The following HMGCLL1 variants were observed in gnomAD, a reference collection of about 807,000 sequenced individuals.
HMGCLL1 encodes the protein 3-hydroxymethyl-3-methylglutaryl-CoA lyase, cytoplasmic.
A neutral mutation model predicts 39.1 loss-of-function variants in HMGCLL1; 36 were observed. That is an observed-to-expected ratio of 0.92 (90% CI 0.71 to 1.22). The LOEUF (loss-of-function observed/expected upper bound fraction) is 1.22. HMGCLL1 is among the 50% of genes most tolerant of loss of function. The pLI is 0.00. For missense variants in HMGCLL1, 451 were observed against 416.5 expected (o/e 1.08, Z -0.72); for synonymous variants, 149 against 144.0 (o/e 1.03, Z -0.25).
At chr6:55,580,672 C>G (rs1241005324), upstream of HMGCLL1, among the ~76,000 whole-genome samples, 2 of 152,072 alleles carry the variant, frequency 1.3e-5, no homozygotes, top group Admixed American at 1.3e-4. Flanking sequence ...TCCTCGGCCT[C>G]CCAAAGTGCT....
intron 3 of HMGCLL1, among the ~76,000 whole-genome samples, chr6:55,541,273 G>T (rs1769418244): frequency 6.6e-6 from 1 of 152,096 alleles, no homozygotes; most frequent in Non-Finnish European, 1.5e-5. Flanking sequence ...ACGTATCCCT[G>T]TTGCAAATAC....
intron 7 of HMGCLL1, among the ~76,000 whole-genome samples, chr6:55,477,267 TAATATATATTATATATTATATA>T (rs1765411953): frequency 8.6e-5 from 2 of 23,326 alleles, no homozygotes; most frequent in Non-Finnish European, 1.2e-4. Context: ...ATATATTATA[TAATATATATTATATATTATATA>T]TAAAATAATA....
Position 55,435,422 on chromosome 6 carries a change from T to A in HMGCLL1, c.*240A>T, listed in dbSNP as rs1763330143. On this transcript the variant is annotated 3_prime_UTR_variant, in exon 9 of 9. Transcript: ENST00000274901. ...TTTCTATGAGAGCAAAAGAAACTTT[T>A]TTCCAAGTTCAAAATTATGACAAGT... is the stretch of plus-strand genomic sequence containing the variant. The A allele has an allele frequency of 5.9e-6, 2 of 338,514 alleles. No homozygotes were observed. Among genetic ancestry groups the A allele is most frequent in the South Asian group, 8.4e-5 (1 of 11,944 alleles). The allele number at this position is 338,514 out of a possible 1,614,324, so 21.0% of individuals were successfully genotyped here.
At chr6:55,653,384 G>A in the HMGCLL1 span, among the ~76,000 whole-genome samples, 2 of 151,846 alleles carry the variant, frequency 1.3e-5, no homozygotes, top group African/African-American at 4.8e-5. Context: ...ATGAAACCTA[G>A]AACAGGAAAA....
the HMGCLL1 span, among the ~76,000 whole-genome samples, chr6:55,654,448 A>G: frequency 6.6e-6 from 1 of 151,948 alleles, no homozygotes; most frequent in Non-Finnish European, 1.5e-5. Flanking sequence ...TTTGCACAAC[A>G]GAATAAGTTG....
At chr6:55,579,282 G>C (rs185953417), upstream of HMGCLL1, 1,038 of 585,584 alleles carry the variant, frequency 1.8e-3, 10 homozygotes, top group East Asian at 3.9e-3. Flanking sequence ...TGCGGGAATC[G>C]ACAGAAATGC....
intron 5 of HMGCLL1, among the ~76,000 whole-genome samples, chr6:55,511,173 G>C (rs927559629): frequency 3.3e-5 from 5 of 151,768 alleles, no homozygotes; most frequent in Non-Finnish European, 2.9e-5. Context: ...TTACAATTTA[G>C]ACAGTTAATA....
intron 8 of HMGCLL1, among the ~76,000 whole-genome samples, chr6:55,436,416 A>T (rs1763375263): frequency 6.6e-6 from 1 of 152,012 alleles, no homozygotes. Flanking sequence ...TCCATGGATG[A>T]CAGATATGCA....
At chr6:55,447,780 C>A (rs1763919146) in intron 7 of HMGCLL1, among the ~76,000 whole-genome samples, 1 of 152,040 alleles carries the variant, frequency 6.6e-6, no homozygotes, top group Non-Finnish European at 1.5e-5. Flanking sequence ...AACTGAGGTT[C>A]ATGAAGGGCA....
At chr6:55,648,326 A>T in the HMGCLL1 span, among the ~76,000 whole-genome samples, 1 of 150,934 alleles carries the variant, frequency 6.6e-6, no homozygotes, top group Admixed American at 6.6e-5. Context: ...AAGAGCAAAC[A>T]CATTCAAAAG....
chr6:55,580,242 C>T (rs748164651), upstream of HMGCLL1, among the ~76,000 whole-genome samples: 1 of 151,810 alleles, frequency 6.6e-6, no homozygotes, highest in Non-Finnish European at 1.5e-5. Context: ...GTGAGACTTC[C>T]ACAGGTAATA....
intron 7 of HMGCLL1, among the ~76,000 whole-genome samples, chr6:55,445,829 T>C (rs539610758): frequency 1.3e-5 from 2 of 152,196 alleles, no homozygotes; most frequent in East Asian, 1.9e-4. Flanking sequence ...GGTGGCAATA[T>C]AGCACCAAAA....
At chr6:55,507,666 T>C (rs1038107297) in intron 5 of HMGCLL1, among the ~76,000 whole-genome samples, 2 of 151,822 alleles carry the variant, frequency 1.3e-5, no homozygotes, top group African/African-American at 2.4e-5. Context: ...TTTGACTCTG[T>C]CTCCAGCCAA....
the HMGCLL1 span, among the ~76,000 whole-genome samples, chr6:55,624,003 T>A: frequency 6.6e-6 from 1 of 152,098 alleles, no homozygotes; most frequent in African/African-American, 2.4e-5. Context: ...AGGACCACAA[T>A]GACGTTTTGG....
intron 7 of HMGCLL1, among the ~76,000 whole-genome samples, chr6:55,457,552 T>C (rs1048262148): frequency 6.6e-6 from 1 of 152,136 alleles, no homozygotes; most frequent in Admixed American, 6.6e-5. Context: ...AATTCATTGG[T>C]TCCCTTAAGT....
the HMGCLL1 span, among the ~76,000 whole-genome samples, chr6:55,620,136 T>A: frequency 6.6e-6 from 1 of 152,186 alleles, no homozygotes; most frequent in East Asian, 1.9e-4. Flanking sequence ...TGAATAGTGC[T>A]GCAGTAAACA....
At chr6:55,645,181 T>C in the HMGCLL1 span, among the ~76,000 whole-genome samples, 1 of 151,970 alleles carries the variant, frequency 6.6e-6, no homozygotes, top group Non-Finnish European at 1.5e-5. Flanking sequence ...GAGATTTTTT[T>C]TTACTTCTTT....
At chr6:55,456,596 G>A (rs1020776422) in intron 7 of HMGCLL1, among the ~76,000 whole-genome samples, 2 of 152,140 alleles carry the variant, frequency 1.3e-5, no homozygotes, top group Non-Finnish European at 2.9e-5. Context: ...ACAGAGTTCA[G>A]CCAACAGTAA....
intron 1 of HMGCLL1, among the ~76,000 whole-genome samples, chr6:55,570,565 G>A (rs1042559022): frequency 6.6e-6 from 1 of 152,118 alleles, no homozygotes; most frequent in Non-Finnish European, 1.5e-5. Context: ...CATATATCAA[G>A]GCCATTAGAA....
Sources: allele counts gnomAD v4.1 joint callset (sites outside exome capture counted in the v4.1 genomes callset), GRCh38; gene constraint gnomAD v4.1.1; transcripts MANE v1.5; gene names NCBI Gene and HGNC (gene_info 2026-07-23, HGNC 2026-07-21).